The following SCAPER variants were observed in gnomAD, a reference collection of about 807,000 sequenced individuals.
The protein encoded by SCAPER is S-phase cyclin A associated protein in the ER.
SCAPER carries 98 observed loss-of-function variants against 182.2 expected under a neutral mutation model. The ratio of observed to expected loss-of-function variants is 0.54; its 90% CI spans 0.46 to 0.64. SCAPER has a LOEUF of 0.64. Ranked by LOEUF, SCAPER falls within the 30% of genes least tolerant of loss-of-function variation. SCAPER has a pLI of 0.00. For synonymous variants in SCAPER, 605 were observed against 564.6 expected (o/e 1.07, Z -1.01); for missense variants, 1,432 against 1,690.0 (o/e 0.85, Z 2.68).
intron 22 of SCAPER, among the ~76,000 whole-genome samples, chr15:76,607,867 TCAGG>T (rs897700721): frequency 1.3e-5 from 2 of 152,212 alleles, no homozygotes; most frequent in Admixed American, 1.3e-4. Context: ...TTCAGCTCCA[TCAGG>T]TCCTCTAAGG....
At chr15:76,626,677 A>G (rs1272986564) in intron 21 of SCAPER, among the ~76,000 whole-genome samples, 1 of 152,220 alleles carries the variant, frequency 6.6e-6, no homozygotes, top group South Asian at 2.1e-4. Flanking sequence ...AGATTACACC[A>G]CTGCACTCCA....
intron 21 of SCAPER, among the ~76,000 whole-genome samples, chr15:76,647,922 T>C (rs2054676640): frequency 6.6e-6 from 1 of 152,162 alleles, no homozygotes; most frequent in Non-Finnish European, 1.5e-5. Context: ...AAAACCGTAT[T>C]TTCAGAGACA....
intron 24 of SCAPER, among the ~76,000 whole-genome samples, chr15:76,480,841 C>T (rs1488889220): frequency 6.6e-6 from 1 of 152,174 alleles, no homozygotes; most frequent in African/African-American, 2.4e-5. Context: ...TGCCATTCTC[C>T]TGCCTCAGCC....
At chr15:76,732,175 C>G (rs1233130102) in intron 16 of SCAPER, among the ~76,000 whole-genome samples, 1 of 152,102 alleles carries the variant, frequency 6.6e-6, no homozygotes, top group African/African-American at 2.4e-5. Flanking sequence ...CATTTGGGGT[C>G]CTCAGCAACT....
At position 76,353,947 on chromosome 15, in the gene SCAPER, A is replaced by C. The variant is rs1173813162; in HGVS notation, c.4047+2T>G. Reference sequence around the variant, plus strand: ...GACAATTACGTATAATGTAGAAGGTACCTGAATGAAAGTGGCCAGTAAAAC... The same window carrying C: ...GACAATTACGTATAATGTAGAAGGTCCCTGAATGAAAGTGGCCAGTAAAAC... On this transcript the variant is annotated splice_donor_variant, in intron 30 of 31. Coordinates refer to ENST00000563290, the MANE Select transcript of SCAPER (RefSeq NM_020843.4). LOFTEE classifies it high-confidence loss of function. 1 of 1,560,256 alleles carries C rather than the reference A, an allele frequency of 6.4e-7. No homozygotes were observed. The highest frequency in any genetic ancestry group is 1.4e-5 in the African/African-American group (1 of 71,476).
intron 24 of SCAPER, among the ~76,000 whole-genome samples, chr15:76,472,990 C>G (rs2050311995): frequency 6.6e-6 from 1 of 152,280 alleles, no homozygotes; most frequent in Non-Finnish European, 1.5e-5. Context: ...GTGTGTCAGG[C>G]AATCAGACTT....
At chr15:76,766,738 T>G (rs1415932549) in intron 11 of SCAPER, among the ~76,000 whole-genome samples, 180 bp downstream of exon 11, 1 of 152,230 alleles carries the variant, frequency 6.6e-6, no homozygotes, top group African/African-American at 2.4e-5. Context: ...ACAAAAGATT[T>G]GCTATTGTTT....
intron 2 of SCAPER, among the ~76,000 whole-genome samples, chr15:76,863,078 C>T (rs536627692): frequency 2.0e-5 from 3 of 152,078 alleles, no homozygotes; most frequent in Non-Finnish European, 4.4e-5. Context: ...AACTATTGCA[C>T]AGAACATACG....
chr15:76,376,080 G>A (rs938821813), intron 29 of SCAPER, 82 bp downstream of exon 29: 20 of 1,551,262 alleles, frequency 1.3e-5, no homozygotes, highest in African/African-American at 6.8e-5. Context: ...GTTCCAGCCC[G>A]CTAGCCTGCC....
intron 22 of SCAPER, among the ~76,000 whole-genome samples, chr15:76,593,355 G>C (rs2049268617): frequency 8.2e-6 from 1 of 121,268 alleles, no homozygotes; most frequent in African/African-American, 2.5e-5. Context: ...CATCTCCCTG[G>C]GGCAGAGCAC....
intron 26 of SCAPER, among the ~76,000 whole-genome samples, chr15:76,405,928 T>C (rs1351886348): frequency 6.6e-6 from 1 of 152,178 alleles, no homozygotes; most frequent in East Asian, 1.9e-4. Flanking sequence ...CCATTCCAAG[T>C]TTACTATGTT....
At chr15:76,821,933 T>C (rs937158766) in intron 5 of SCAPER, among the ~76,000 whole-genome samples, 3 of 151,784 alleles carry the variant, frequency 2.0e-5, no homozygotes, top group Admixed American at 6.6e-5. Context: ...ATTCCAACTA[T>C]ACAACATTCT....
intron 1 of SCAPER, among the ~76,000 whole-genome samples, chr15:76,902,965 G>T (rs770095203): frequency 6.6e-6 from 1 of 151,858 alleles, no homozygotes; most frequent in African/African-American, 2.4e-5. Context: ...GGAAGCTGAG[G>T]CAGGAAAATC....
intron 26 of SCAPER, among the ~76,000 whole-genome samples, 190 bp from the exon 27 acceptor site, chr15:76,404,869 A>AT (rs957019748): frequency 2.1e-4 from 32 of 152,122 alleles, no homozygotes; most frequent in African/African-American, 7.5e-4. Flanking sequence ...TTCTGTAAGT[A>AT]TTTTTTTCTC....
intron 1 of SCAPER, among the ~76,000 whole-genome samples, chr15:76,887,975 T>C (rs550988205): frequency 6.6e-6 from 1 of 152,246 alleles, no homozygotes; most frequent in East Asian, 1.9e-4. Flanking sequence ...CAGGCAGCAA[T>C]ATTTGCTGTT....
chr15:76,722,360 TTCA>T (rs1398935592), intron 17 of SCAPER, among the ~76,000 whole-genome samples: 1 of 152,226 alleles, frequency 6.6e-6, no homozygotes, highest in Non-Finnish European at 1.5e-5. Context: ...TGCATCAATG[TTCA>T]TCAAGGATAT....
At chr15:76,658,981 A>G (rs1401251015) in intron 21 of SCAPER, among the ~76,000 whole-genome samples, 1 of 152,244 alleles carries the variant, frequency 6.6e-6, no homozygotes, top group East Asian at 1.9e-4. Context: ...AAGATAGCCT[A>G]GAAAATACCA....
chr15:76,599,853 T>C (rs1332629609), intron 22 of SCAPER, among the ~76,000 whole-genome samples: 2 of 121,918 alleles, frequency 1.6e-5, no homozygotes, highest in African/African-American at 5.0e-5. Flanking sequence ...AGTGTCTGCA[T>C]TTGTCAAAAT....
chr15:76,768,404 G>T (rs2063236049), intron 10 of SCAPER, among the ~76,000 whole-genome samples: 1 of 152,128 alleles, frequency 6.6e-6, no homozygotes, highest in South Asian at 2.1e-4. Flanking sequence ...ACTAAGACAT[G>T]AATGAACCTC....
Sources: allele counts gnomAD v4.1 joint callset (sites outside exome capture counted in the v4.1 genomes callset), GRCh38; gene constraint gnomAD v4.1.1; transcripts MANE v1.5; gene names NCBI Gene and HGNC (gene_info 2026-07-23, HGNC 2026-07-21).